SIPA1L2: variants seen among roughly 807,000 people sequenced by gnomAD.
SIPA1L2 encodes signal induced proliferation associated 1 like 2.
SIPA1L2 carries 56 observed loss-of-function variants against 163.9 expected under a neutral mutation model. The ratio of observed to expected loss-of-function variants is 0.34; its 90% CI spans 0.28 to 0.43. The LOEUF is 0.43. SIPA1L2 is among the 20% of genes least tolerant of loss of function. The probability of loss-of-function intolerance (pLI) is 1.00; values close to 1 mark genes in which losing one functional copy is unlikely to be tolerated. For missense variants in SIPA1L2, 1,974 were observed against 2,193.5 expected, an observed-to-expected ratio of 0.90 and a Z score of 2.00; for synonymous variants, 877 against 865.7, an observed-to-expected ratio of 1.01 and a Z score of -0.23.
chr1:232,401,959 G>A (rs1158684020), intron 22 of SIPA1L2, among the ~76,000 whole-genome samples: 1 of 152,206 alleles, frequency 6.6e-6, no homozygotes, highest in Non-Finnish European at 1.5e-5. Flanking sequence ...CCATGTGCAG[G>A]TTGATGTGTA....
chr1:232,505,679 C>G (rs906426468), intron 3 of SIPA1L2, among the ~76,000 whole-genome samples: 1 of 152,114 alleles, frequency 6.6e-6, no homozygotes, highest in East Asian at 1.9e-4. Context: ...GGAGCCCGTG[C>G]GACCACAGCC....
chr1:232,561,167 T>G (rs1407239492), intron 2 of SIPA1L2, among the ~76,000 whole-genome samples: 1 of 152,188 alleles, frequency 6.6e-6, no homozygotes, highest in Non-Finnish European at 1.5e-5. Context: ...AGTCAAACAA[T>G]GTGAATTCCT....
intron 3 of SIPA1L2, among the ~76,000 whole-genome samples, chr1:232,503,961 GAGA>G (rs1666601912): frequency 6.6e-6 from 1 of 151,930 alleles, no homozygotes; most frequent in Non-Finnish European, 1.5e-5. Context: ...GAGGCAGAAG[GAGA>G]AGGATTGCTT....
Position 232,461,986 on chromosome 1 carries a change from G to A in SIPA1L2, c.2821-825C>T, listed in dbSNP as rs1275320329. On this transcript the variant is annotated intron_variant, in intron 9 of 22. Transcript: ENST00000674635. Reference sequence around the variant, plus strand: ...GGCAGGCAGCAGACAGACCCTCTGTGCTTATGGGCTGCCTCTCCTCCACTA... The same window carrying A: ...GGCAGGCAGCAGACAGACCCTCTGTACTTATGGGCTGCCTCTCCTCCACTA... 4.6e-5 allele frequency among the ~76,000 whole-genome samples: 7 copies of A among 152,274 alleles called. No individual in the cohort carries two copies. In the East Asian group the frequency reaches 1.4e-3, roughly 30 times the overall value.
At chr1:232,591,240 A>AT (rs1256210371) in intron 1 of SIPA1L2, among the ~76,000 whole-genome samples, 1 of 152,268 alleles carries the variant, frequency 6.6e-6, no homozygotes, top group Non-Finnish European at 1.5e-5. Flanking sequence ...AATAGTTCAC[A>AT]TGTGATTCCC....
At chr1:232,604,303 C>T (rs1362673411) in intron 1 of SIPA1L2, among the ~76,000 whole-genome samples, 1 of 152,196 alleles carries the variant, frequency 6.6e-6, no homozygotes, top group Non-Finnish European at 1.5e-5. Flanking sequence ...AAAATTCACT[C>T]CACTTTTATA....
chr1:232,401,748 C>T (rs1007134933), intron 22 of SIPA1L2, among the ~76,000 whole-genome samples: 2 of 152,176 alleles, frequency 1.3e-5, no homozygotes, highest in Non-Finnish European at 2.9e-5. Context: ...GCATTCTCAC[C>T]AGCTACAATT....
intron 2 of SIPA1L2, among the ~76,000 whole-genome samples, chr1:232,548,758 G>T (rs960007151): frequency 1.1e-4 from 16 of 152,134 alleles, no homozygotes; most frequent in Non-Finnish European, 1.9e-4. Flanking sequence ...TGAACAGAGG[G>T]GGCCCAGATC....
intron 2 of SIPA1L2, among the ~76,000 whole-genome samples, chr1:232,573,829 G>T (rs1004512798): frequency 1.3e-5 from 2 of 152,104 alleles, no homozygotes; most frequent in African/African-American, 2.4e-5. Context: ...ATGCTCACGT[G>T]TTGTACCTCT....
chr1:232,544,561 A>AT (rs1162979680), intron 2 of SIPA1L2, among the ~76,000 whole-genome samples: 1 of 3,074 alleles, frequency 3.3e-4, no homozygotes, highest in Non-Finnish European at 4.0e-3. Flanking sequence ...CTCCTGTCTC[A>AT]AAAAAAAAAA....
At chr1:232,537,250 T>C (rs1558252883) in intron 2 of SIPA1L2, among the ~76,000 whole-genome samples, 2 of 152,030 alleles carry the variant, frequency 1.3e-5, no homozygotes. Flanking sequence ...AATAAATAAA[T>C]AATAATAATT....
intron 19 of SIPA1L2, among the ~76,000 whole-genome samples, chr1:232,410,545 A>AATATATATATATAT (rs35712001): frequency 1.8e-4 from 27 of 148,884 alleles, no homozygotes; most frequent in Admixed American, 1.8e-3. Context: ...TGAATTTCAA[A>AATATATATATATAT]ATATATATAT....
chr1:232,603,012 G>A (rs55889849), intron 1 of SIPA1L2, among the ~76,000 whole-genome samples: 26,787 of 152,182 alleles, frequency 0.18, 2,664 homozygotes, highest in Middle Eastern at 0.3. Context: ...TAAGGCAGGA[G>A]CAGGGGGGAT....
chr1:232,445,533 T>C lies in SIPA1L2; in HGVS notation c.3349A>G (p.Thr1117Ala), dbSNP rs750410738. ...TSFDRKLPDG[T>A]RSSPSNQSSS... ...AGGAAACGGAACCAGCATTACCTCG[T>C]GCCATCGGGCAGCTTCCGGTCGAAG... is the stretch of plus-strand genomic sequence containing the variant. The change falls in exon 11 of 23, where the codon ACG becomes GCG. Residue 1117 changes from threonine (T) to alanine (A), a missense_variant. Coordinates refer to ENST00000674635, the MANE Select transcript of SIPA1L2 (RefSeq NM_020808.5). 4.5e-5 allele frequency: 73 copies of C among 1,613,618 alleles called. No individual in the cohort carries two copies. Among genetic ancestry groups the C allele is most frequent in the Non-Finnish European group, 6.1e-5 (72 of 1,179,886 alleles).
chr1:232,405,102 A>C (rs750149321), intron 19 of SIPA1L2, among the ~76,000 whole-genome samples: 4 of 152,174 alleles, frequency 2.6e-5, no homozygotes, highest in Non-Finnish European at 4.4e-5. Context: ...ACTTCCAGTT[A>C]ATTAAAAAGG....
intron 2 of SIPA1L2, among the ~76,000 whole-genome samples, chr1:232,533,249 G>A (rs1380842415): frequency 2.0e-5 from 3 of 152,166 alleles, no homozygotes; most frequent in South Asian, 4.1e-4. Context: ...GAGATCCACA[G>A]GGTAAAAAAA....
chr1:232,519,442 C>A (rs1324872110), intron 2 of SIPA1L2, among the ~76,000 whole-genome samples: 1 of 152,180 alleles, frequency 6.6e-6, no homozygotes, highest in African/African-American at 2.4e-5. Flanking sequence ...CACTCCAAAA[C>A]TGGATGGCAC....
chr1:232,441,616 C>T (rs1013452277), intron 13 of SIPA1L2, 152 bp downstream of exon 13: 11 of 742,914 alleles, frequency 1.5e-5, no homozygotes, highest in Admixed American at 4.8e-5. Context: ...ATGACCACAC[C>T]CCCTCCTGCA....
rs147834016 is a variant in SIPA1L2 at position 232,555,419 on chromosome 1, C to T, written c.-270+18755G>A. 2.2e-4 allele frequency among the ~76,000 whole-genome samples: 34 copies of T among 152,262 alleles called. No homozygotes were observed. The East Asian group carries it at 6.6e-3, about 29-fold the overall frequency. Reference sequence around the variant, plus strand: ...TCCAGCTGGAGTGAGGAGTCAGGTTCCCCAAGGTGTACTTCTAACCAGAAT... The same window carrying T: ...TCCAGCTGGAGTGAGGAGTCAGGTTTCCCAAGGTGTACTTCTAACCAGAAT... On this transcript the variant is annotated intron_variant, in intron 2 of 22. Transcript: ENST00000674635.
Sources: allele counts gnomAD v4.1 joint callset (sites outside exome capture counted in the v4.1 genomes callset), GRCh38; gene constraint gnomAD v4.1.1; transcripts MANE v1.5; gene names NCBI Gene and HGNC (gene_info 2026-07-23, HGNC 2026-07-21).